Variants in CSPP1 observed in about 807,000 individuals in gnomAD.
The protein encoded by CSPP1 is centrosome and spindle pole-associated protein 1.
CSPP1 carries 126 observed loss-of-function variants against 164.4 expected under a neutral mutation model. The ratio of observed to expected loss-of-function variants is 0.77; its 90% confidence interval spans 0.66 to 0.89. CSPP1 has a LOEUF of 0.89. CSPP1 is among the 40% of genes least tolerant of loss of function. CSPP1 has a pLI of 0.00. For missense variants in CSPP1, 1,395 were observed against 1,449.8 expected (o/e 0.96, Z 0.61); for synonymous variants, 472 against 476.7 (o/e 0.99, Z 0.13).
chr8:67,180,677 T>C (rs990764663), intron 28 of CSPP1, among the ~76,000 whole-genome samples: 1 of 152,208 alleles, frequency 6.6e-6, no homozygotes, highest in Admixed American at 6.5e-5. Context: ...TACTTGAGTT[T>C]TGCAAAATGT....
intron 30 of CSPP1, among the ~76,000 whole-genome samples, chr8:67,193,949 C>G (rs1259075898): frequency 6.6e-6 from 1 of 152,206 alleles, no homozygotes; most frequent in Non-Finnish European, 1.5e-5. Context: ...AGCCTAAAGA[C>G]TTTGAGTTCT....
intron 9 of CSPP1, among the ~76,000 whole-genome samples, chr8:67,110,715 G>A (rs1312741479): frequency 6.6e-6 from 1 of 152,014 alleles, no homozygotes; most frequent in African/African-American, 2.4e-5. Context: ...CTCTTTACCT[G>A]TATCTGTGGT....
chr8:67,109,391 A>T (rs1054532722), intron 9 of CSPP1, among the ~76,000 whole-genome samples: 3 of 152,228 alleles, frequency 2.0e-5, no homozygotes, highest in African/African-American at 4.8e-5. Flanking sequence ...TCCTTCTTCT[A>T]AGGGCTTTCA....
intron 7 of CSPP1, among the ~76,000 whole-genome samples, chr8:67,098,530 T>C (rs556638940): frequency 6.6e-6 from 1 of 152,054 alleles, no homozygotes; most frequent in East Asian, 1.9e-4. Flanking sequence ...GACAGCATTC[T>C]TAATTAACAA....
chr8:67,176,616 A>G (rs540967386), intron 26 of CSPP1, among the ~76,000 whole-genome samples: 5 of 152,286 alleles, frequency 3.3e-5, no homozygotes, highest in African/African-American at 1.2e-4. Context: ...TTTAGTCTCA[A>G]AATGAAGATC....
At chr8:67,190,167 C>T (rs570965595) in intron 28 of CSPP1, among the ~76,000 whole-genome samples, 1 of 152,300 alleles carries the variant, frequency 6.6e-6, no homozygotes, top group Admixed American at 6.5e-5. Context: ...TTGCTAGCAG[C>T]TAGCAAATGT....
intron 9 of CSPP1, among the ~76,000 whole-genome samples, chr8:67,106,741 GA>G (rs1288349935): frequency 6.6e-6 from 1 of 151,992 alleles, no homozygotes; most frequent in East Asian, 1.9e-4. Context: ...AAAACTGTTA[GA>G]AAAAAATGAA....
intron 21 of CSPP1, among the ~76,000 whole-genome samples, chr8:67,159,846 CTTTCTTTTTCTTTCTT>C (rs1827466419): frequency 1.7e-5 from 2 of 121,048 alleles, no homozygotes; most frequent in Non-Finnish European, 3.2e-5. Context: ...TTCTTTCTTT[CTTTCTTTTTCTTTCTT>C]TCTTTCTTTC....
Position 67,195,685 on chromosome 8 carries a change from GAA to G in CSPP1, c.*94_*95del, listed in dbSNP as rs1381630487. ...TATGTCCTACTTTTGGCCCCTACCT[GAA>G]AGTTACTTTTTTTCCATCATCTGTA... On this transcript the variant is annotated 3_prime_UTR_variant, in exon 31 of 31. Coordinates refer to ENST00000678616, the MANE Select transcript of CSPP1 (RefSeq NM_001382391.1). 1 of 1,027,542 alleles carries G rather than the reference GAA, an allele frequency of 9.7e-7. No individual in the cohort carries two copies. Among genetic ancestry groups the G allele is most frequent in the Non-Finnish European group, 1.4e-6 (1 of 694,216 alleles). The allele number at this position is 1,027,542 out of a possible 1,614,324, so 63.7% of individuals were successfully genotyped here. A position where few individuals can be genotyped will look rare whatever the true frequency, so the allele number is the denominator to read the frequency against.
chr8:67,184,975 G>A (rs1458170092), intron 28 of CSPP1, among the ~76,000 whole-genome samples: 3 of 147,246 alleles, frequency 2.0e-5, no homozygotes, highest in Non-Finnish European at 4.5e-5. Flanking sequence ...AAGGTGGTGG[G>A]CACCTATAAG....
intron 30 of CSPP1, among the ~76,000 whole-genome samples, chr8:67,194,591 G>T (rs1837353069): frequency 6.6e-6 from 1 of 151,728 alleles, no homozygotes; most frequent in South Asian, 2.1e-4. Context: ...GGTTTTTAAT[G>T]TCTACACTGT....
chr8:67,151,572 C>T (rs957820456), intron 18 of CSPP1, among the ~76,000 whole-genome samples: 8 of 152,108 alleles, frequency 5.3e-5, no homozygotes, highest in African/African-American at 1.9e-4. Context: ...ACCAGAAAAT[C>T]AACAGTTCCC....
At chr8:67,179,952 T>G in intron 28 of CSPP1, 26 bp downstream of exon 28, 1 of 1,313,204 alleles carries the variant, frequency 7.6e-7, no homozygotes, top group Non-Finnish European at 1.1e-6. Flanking sequence ...TTATTAAGGC[T>G]ATATTGTTTA....
At chr8:67,123,981 G>A (rs1819551515) in intron 15 of CSPP1, among the ~76,000 whole-genome samples, 1 of 148,188 alleles carries the variant, frequency 6.7e-6, no homozygotes, top group South Asian at 2.1e-4. Flanking sequence ...CTCATTGCAA[G>A]CCCCACCTTC....
intron 17 of CSPP1, among the ~76,000 whole-genome samples, chr8:67,140,246 G>A (rs573091186): frequency 2.0e-5 from 3 of 151,958 alleles, no homozygotes; most frequent in East Asian, 3.9e-4. Context: ...CACCACACCC[G>A]GCTAATTTTT....
At chr8:67,178,519 T>C (rs996895013) in intron 27 of CSPP1, among the ~76,000 whole-genome samples, 2 of 152,164 alleles carry the variant, frequency 1.3e-5, no homozygotes, top group Non-Finnish European at 2.9e-5. Flanking sequence ...AATAAATCAA[T>C]AGTTTTTTGA....
chr8:67,134,526 A>T (rs1424534417), intron 16 of CSPP1: 2 of 148,986 alleles, frequency 1.3e-5, no homozygotes, highest in African/African-American at 4.9e-5. Flanking sequence ...TTTCTAGAGC[A>T]CAGGTAGAGT....
chr8:67,104,968 T>TATATATATATATATA (rs58594151), intron 8 of CSPP1, among the ~76,000 whole-genome samples: 3 of 78,478 alleles, frequency 3.8e-5, no homozygotes, highest in Non-Finnish European at 6.9e-5. Context: ...ATATATATAT[T>TATATATATATATATA]TTTTTTTTTT....
At chr8:67,090,413 G>A (rs1811369883) in intron 4 of CSPP1, among the ~76,000 whole-genome samples, 1 of 152,198 alleles carries the variant, frequency 6.6e-6, no homozygotes, top group Admixed American at 6.5e-5. Flanking sequence ...AGCCTCCCAA[G>A]TAGCTGGGAC....
Sources: gnomAD v4.1 joint callset for allele counts (sites outside exome capture counted in the v4.1 genomes callset) on GRCh38, gnomAD v4.1.1 for gene constraint, MANE v1.5 for transcripts, NCBI Gene and HGNC (gene_info 2026-07-23, HGNC 2026-07-21) for gene names.